GPBP1L1: variants seen among roughly 807,000 people sequenced by gnomAD.
The protein encoded by GPBP1L1 is vasculin-like protein 1.
A neutral mutation model predicts 52.5 loss-of-function variants in GPBP1L1; 23 were observed. That is an observed-to-expected ratio of 0.44 (90% confidence interval 0.32 to 0.62). The LOEUF (loss-of-function observed/expected upper bound fraction) is 0.62. Among genes scored for constraint, GPBP1L1 ranks in the 20% least tolerant of loss-of-function variants. The pLI, the probability that GPBP1L1 is intolerant of heterozygous loss-of-function variation, is 0.06. For synonymous variants in GPBP1L1, 243 were observed against 203.1 expected (o/e 1.20, Z -1.67); for missense variants, 596 against 579.3 (o/e 1.03, Z -0.30).
intron 5 of GPBP1L1, among the ~76,000 whole-genome samples, 171 bp downstream of exon 5, chr1:45,655,019 T>A (rs1348861070): frequency 6.6e-6 from 1 of 152,240 alleles, no homozygotes; most frequent in Non-Finnish European, 1.5e-5. Flanking sequence ...AGAATCATAA[T>A]CATAGTTAGA....
At chr1:45,641,156 T>C (rs777102028) in intron 7 of GPBP1L1, among the ~76,000 whole-genome samples, 4 of 152,140 alleles carry the variant, frequency 2.6e-5, no homozygotes, top group Non-Finnish European at 4.4e-5. Flanking sequence ...GTATACACCA[T>C]TAGCAAAGAG....
At chr1:45,674,734 C>T (rs1232719921) in intron 2 of GPBP1L1, among the ~76,000 whole-genome samples, 1 of 152,132 alleles carries the variant, frequency 6.6e-6, no homozygotes, top group Non-Finnish European at 1.5e-5. Context: ...GTATGTGTTG[C>T]CAGATGATTC....
At chr1:45,684,767 T>TG (rs2148530031) in intron 2 of GPBP1L1, among the ~76,000 whole-genome samples, 1 of 152,240 alleles carries the variant, frequency 6.6e-6, no homozygotes, top group South Asian at 2.1e-4. Context: ...ATTAAAAACT[T>TG]TAAATATTTT....
At chr1:45,665,215 G>C (rs923144886) in intron 2 of GPBP1L1, among the ~76,000 whole-genome samples, 1 of 151,938 alleles carries the variant, frequency 6.6e-6, no homozygotes. Context: ...GCTTGAACTC[G>C]GGAGGTTGAA....
chr1:45,648,783 T>G (rs1290107024), intron 6 of GPBP1L1, among the ~76,000 whole-genome samples: 2 of 152,192 alleles, frequency 1.3e-5, no homozygotes, highest in East Asian at 1.9e-4. Flanking sequence ...ATCCCAGCAC[T>G]TTGGGAGGCT....
At chr1:45,632,587 G>A (rs1039920870) in intron 10 of GPBP1L1, among the ~76,000 whole-genome samples, 35 of 151,060 alleles carry the variant, frequency 2.3e-4, no homozygotes, top group African/African-American at 7.3e-4. Context: ...GTGGTGGCGG[G>A]TGCCTGTAAT....
chr1:45,670,920 G>A (rs1455771867), intron 2 of GPBP1L1, among the ~76,000 whole-genome samples: 3 of 150,372 alleles, frequency 2.0e-5, no homozygotes, highest in African/African-American at 7.4e-5. Context: ...AGCCTCCCGA[G>A]TAGCTGGGAC....
At chr1:45,658,130 A>G (rs1644906111) in intron 4 of GPBP1L1, among the ~76,000 whole-genome samples, 1 of 152,140 alleles carries the variant, frequency 6.6e-6, no homozygotes, top group Non-Finnish European at 1.5e-5. Flanking sequence ...TAAACTGGTA[A>G]TTCCATTTGT....
At chr1:45,632,659 T>C (rs1644545327) in intron 10 of GPBP1L1, among the ~76,000 whole-genome samples, 1 of 152,182 alleles carries the variant, frequency 6.6e-6, no homozygotes, top group African/African-American at 2.4e-5. Context: ...GAGGTTGCAA[T>C]GAGCCCAGAT....
At chr1:45,637,541 T>TTTTTTTTTTTTTTTTTTTTTTTTTTTG (rs1557696882) in intron 8 of GPBP1L1, among the ~76,000 whole-genome samples, 5 of 149,432 alleles carry the variant, frequency 3.3e-5, no homozygotes, top group African/African-American at 4.9e-5. Context: ...GCCTTTATAT[T>TTTTTTTTTTTTTTTTTTTTTTTTTTTG]AGTTTTCCAA....
intron 8 of GPBP1L1, among the ~76,000 whole-genome samples, chr1:45,638,950 C>T (rs1396396694): frequency 6.6e-6 from 1 of 152,154 alleles, no homozygotes; most frequent in Non-Finnish European, 1.5e-5. Context: ...TGCACACTGA[C>T]TATAGGACTA....
chr1:45,670,410 T>C (rs1645060123), intron 2 of GPBP1L1, among the ~76,000 whole-genome samples: 1 of 152,242 alleles, frequency 6.6e-6, no homozygotes, highest in Admixed American at 6.5e-5. Flanking sequence ...TGATTTTCTT[T>C]CCCATGTCTT....
rs56759417 is a variant in GPBP1L1, at chr1:45,627,737, A to AAAAC, written c.*518_*519insGTTT. ...AAAAAGGAAAAAGAAAAAAAAAACA[A>AAAAC]AAAAAAACAACCAAAAAAACCCACA... On this transcript the variant is annotated 3_prime_UTR_variant, in exon 13 of 13. Transcript: ENST00000355105. 0.28 allele frequency: 42,266 copies of AAAAC among 151,888 alleles called. 5,990 individuals carry two copies. Among genetic ancestry groups the AAAAC allele is most frequent in the East Asian group, 0.37 (1,892 of 5,160 alleles). 9.4% of individuals were successfully genotyped at this position (151,888 alleles called of 1,614,324 possible).
At chr1:45,670,077 A>G (rs1253342020) in intron 2 of GPBP1L1, among the ~76,000 whole-genome samples, 1 of 152,202 alleles carries the variant, frequency 6.6e-6, no homozygotes, top group African/African-American at 2.4e-5. Flanking sequence ...TAATGTCATA[A>G]TACTTCTGAA....
At chr1:45,665,968 C>A (rs1405806298) in intron 2 of GPBP1L1, among the ~76,000 whole-genome samples, 1 of 151,928 alleles carries the variant, frequency 6.6e-6, no homozygotes, top group Non-Finnish European at 1.5e-5. Context: ...CTACCCTGCT[C>A]AAAAAGTTCT....
At chr1:45,643,303 T>C (rs1379054026) in intron 6 of GPBP1L1, among the ~76,000 whole-genome samples, 1 of 152,140 alleles carries the variant, frequency 6.6e-6, no homozygotes, top group Non-Finnish European at 1.5e-5. Flanking sequence ...AAGAGGTATC[T>C]GGCAAAGCAG....
At chr1:45,680,760 A>G (rs1190482633) in intron 2 of GPBP1L1, among the ~76,000 whole-genome samples, 1 of 152,110 alleles carries the variant, frequency 6.6e-6, no homozygotes, top group South Asian at 2.1e-4. Context: ...TGAATTGTTG[A>G]TTAAATGAGT....
At chr1:45,659,458 A>C (rs542300290) in intron 3 of GPBP1L1, among the ~76,000 whole-genome samples, 2 of 152,174 alleles carry the variant, frequency 1.3e-5, no homozygotes, top group Admixed American at 6.5e-5. Flanking sequence ...TCAGCCTCGC[A>C]AAGTGTTGGG....
At chr1:45,645,523 T>G (rs968553162) in intron 6 of GPBP1L1, among the ~76,000 whole-genome samples, 9 of 149,782 alleles carry the variant, frequency 6.0e-5, no homozygotes, top group South Asian at 2.2e-4. Flanking sequence ...AAATGTTTTG[T>G]TTTTTTTGGA....
Sources: allele counts gnomAD v4.1 joint callset (sites outside exome capture counted in the v4.1 genomes callset), GRCh38; gene constraint gnomAD v4.1.1; transcripts MANE v1.5; gene names NCBI Gene and HGNC (gene_info 2026-07-23, HGNC 2026-07-21).